The following PLEKHA5 variants were observed in gnomAD, a reference collection of about 807,000 sequenced individuals.
The protein encoded by PLEKHA5 is pleckstrin homology domain containing A5.
A neutral mutation model predicts 181.9 loss-of-function variants in PLEKHA5; 55 were observed. The ratio of observed to expected loss-of-function variants is 0.30; its 90% CI spans 0.24 to 0.38. The LOEUF (loss-of-function observed/expected upper bound fraction) is 0.38. PLEKHA5 is among the 10% of genes least tolerant of loss of function. The probability of loss-of-function intolerance (pLI) is 1.00; values close to 1 mark genes in which losing one functional copy is unlikely to be tolerated. For synonymous variants in PLEKHA5, 535 were observed against 529.4 expected (o/e 1.01, Z -0.15); for missense variants, 1,432 against 1,549.5 (o/e 0.92, Z 1.27).
At chr12:19,174,278 G>C (rs1386394213) in intron 3 of PLEKHA5, among the ~76,000 whole-genome samples, 1 of 152,102 alleles carries the variant, frequency 6.6e-6, no homozygotes, top group Non-Finnish European at 1.5e-5. Context: ...TGTTCTTCCT[G>C]CTAAACTGCT....
At chr12:19,372,476 T>G (rs2095608644) in intron 31 of PLEKHA5, 2 of 152,030 alleles carry the variant, frequency 1.3e-5, no homozygotes, top group South Asian at 4.1e-4. Flanking sequence ...ATGCATAGTT[T>G]GCAAATATTT....
chr12:19,246,005 G>C (rs2063654267), intron 3 of PLEKHA5, among the ~76,000 whole-genome samples: 1 of 145,426 alleles, frequency 6.9e-6, no homozygotes, highest in African/African-American at 2.5e-5. Flanking sequence ...TTTTGACAGA[G>C]TCTCACTCTG....
intron 15 of PLEKHA5, among the ~76,000 whole-genome samples, chr12:19,308,815 AG>A (rs1205954179): frequency 2.0e-5 from 3 of 151,968 alleles, no homozygotes; most frequent in African/African-American, 7.3e-5. Context: ...GGGAGGCCGA[AG>A]GGGGGCAGAT....
At chr12:19,275,503 C>T (rs549388667) in intron 11 of PLEKHA5, among the ~76,000 whole-genome samples, 1 of 152,300 alleles carries the variant, frequency 6.6e-6, no homozygotes, top group Non-Finnish European at 1.5e-5. Flanking sequence ...AGTTTTTCGG[C>T]TTGTAATCCC....
intron 3 of PLEKHA5, among the ~76,000 whole-genome samples, chr12:19,169,396 T>C (rs1591903792): frequency 6.6e-6 from 1 of 152,126 alleles, no homozygotes; most frequent in East Asian, 1.9e-4. Flanking sequence ...TGGCAGAGCC[T>C]CCAGCATCTT....
chr12:19,309,982 CCTTTAA>C (rs1444007109), intron 15 of PLEKHA5, among the ~76,000 whole-genome samples: 2 of 152,024 alleles, frequency 1.3e-5, no homozygotes, highest in East Asian at 1.9e-4. Context: ...ATAATAAAAC[CCTTTAA>C]CTTAAAAAGA....
chr12:19,196,063 G>T (rs1012478390), intron 3 of PLEKHA5, among the ~76,000 whole-genome samples: 1 of 152,008 alleles, frequency 6.6e-6, no homozygotes, highest in African/African-American at 2.4e-5. Flanking sequence ...CAATAGTTAT[G>T]TTTTTTTCCA....
At chr12:19,212,587 A>C (rs1036640397) in intron 3 of PLEKHA5, among the ~76,000 whole-genome samples, 3 of 151,898 alleles carry the variant, frequency 2.0e-5, no homozygotes, top group African/African-American at 7.3e-5. Context: ...AGGCGGAGAC[A>C]CAAGAATTGC....
At chr12:19,216,035 A>G (rs2057913908) in intron 3 of PLEKHA5, among the ~76,000 whole-genome samples, 1 of 152,226 alleles carries the variant, frequency 6.6e-6, no homozygotes, top group African/African-American at 2.4e-5. Context: ...ATAGAAGTCA[A>G]TAACATTGCT....
chr12:19,172,952 G>A (rs1441274311), intron 3 of PLEKHA5, among the ~76,000 whole-genome samples: 1 of 90,590 alleles, frequency 1.1e-5, no homozygotes, highest in Non-Finnish European at 2.6e-5. Flanking sequence ...GCAATAGAAT[G>A]GGAAAAAAGT....
chr12:19,132,773 C>CT (rs59992820), intron 3 of PLEKHA5, among the ~76,000 whole-genome samples: 77,565 of 112,054 alleles, frequency 0.69, 29,549 homozygotes, highest in Non-Finnish European at 0.85. Context: ...CCACAATTAC[C>CT]TTTTTTTTTT....
At chr12:19,173,683 A>C (rs1320441960) in intron 3 of PLEKHA5, among the ~76,000 whole-genome samples, 1 of 152,206 alleles carries the variant, frequency 6.6e-6, no homozygotes, top group East Asian at 1.9e-4. Context: ...GGAACAGGAC[A>C]AAGAAGAGGA....
chr12:19,253,064 CTTTTTTTT>C lies in PLEKHA5; in HGVS notation c.228-857_228-850del, dbSNP rs35536570. 6.1e-4 allele frequency among the ~76,000 whole-genome samples: 28 copies of C among 45,876 alleles called. 1 individual carries two copies. The highest frequency in any genetic ancestry group is 2.2e-3 in the East Asian group (4 of 1,794). 30.1% of individuals were successfully genotyped at this position (45,876 alleles called of 152,430 possible). A position where few individuals can be genotyped will look rare whatever the true frequency, so the allele number is the denominator to read the frequency against. The stretch of plus-strand genomic sequence containing the variant: ...GAGCTAAACAGCCAAATCAACTTAC[CTTTTTTTT>C]TTTTTTTTTTTTTTTTTTGGGAGAC... On this transcript the variant is annotated intron_variant, in intron 3 of 31. Coordinates refer to ENST00000429027, the MANE Select transcript of PLEKHA5 (RefSeq NM_001256470.2).
At chr12:19,351,622 G>T (rs2094597581) in intron 25 of PLEKHA5, among the ~76,000 whole-genome samples, 6 of 152,010 alleles carry the variant, frequency 3.9e-5, no homozygotes, top group Admixed American at 3.9e-4. Context: ...TTACACTTCA[G>T]CCTGAACAAC....
rs199715669 is a variant in PLEKHA5 at position 19,232,457 on chromosome 12, A to AG, written c.228-21481dup. ...ATTTAGAAAGGATTTGGAAGAAATA[A>AG]GGAGAATAAAAAATGTCTAAGTCTC... On this transcript the variant is annotated intron_variant, in intron 3 of 31. Transcript: ENST00000429027. Among the ~76,000 whole-genome samples the AG allele has an allele frequency of 2.4e-3, 358 of 152,264 alleles. 5 individuals are homozygous for AG. Among genetic ancestry groups the AG allele is most frequent in the East Asian group, 0.019 (101 of 5,186 alleles).
chr12:19,205,157 T>C (rs138488304), intron 3 of PLEKHA5: 1 of 152,446 alleles, frequency 6.6e-6, no homozygotes, highest in Non-Finnish European at 1.5e-5. Context: ...TATTGTCAGT[T>C]AATGATCTTT....
chr12:19,158,051 A>T (rs978432348), intron 3 of PLEKHA5, among the ~76,000 whole-genome samples: 1 of 152,122 alleles, frequency 6.6e-6, no homozygotes, highest in Admixed American at 6.5e-5. Flanking sequence ...AGTTTTAAAA[A>T]TTTAAGTTTG....
intron 3 of PLEKHA5, among the ~76,000 whole-genome samples, chr12:19,169,498 C>G (rs1377122445): frequency 1.3e-5 from 2 of 152,182 alleles, no homozygotes; most frequent in Non-Finnish European, 2.9e-5. Flanking sequence ...CTGATTGAAA[C>G]ATCTACCAGT....
At chr12:19,365,382 AT>A (rs914256845) in intron 29 of PLEKHA5, among the ~76,000 whole-genome samples, 6 of 151,318 alleles carry the variant, frequency 4.0e-5, no homozygotes, top group South Asian at 4.2e-4. Context: ...AAAAAAAAAA[AT>A]CTTATAACTT....
Sources: gnomAD v4.1 joint callset for allele counts (sites outside exome capture counted in the v4.1 genomes callset) on GRCh38, gnomAD v4.1.1 for gene constraint, MANE v1.5 for transcripts, NCBI Gene and HGNC (gene_info 2026-07-23, HGNC 2026-07-21) for gene names.